The following LRP1B variants were observed in gnomAD, a reference collection of about 807,000 sequenced individuals.
LRP1B encodes low-density lipoprotein receptor-related protein 1B.
Under a neutral mutation model 556.6 loss-of-function variants are expected in LRP1B, and 217 were observed. That is an observed-to-expected ratio of 0.39 (90% CI 0.35 to 0.44). The LOEUF (loss-of-function observed/expected upper bound fraction) is 0.44, where lower values mean the gene tolerates loss of function less well. Among genes scored for constraint, LRP1B ranks in the 20% least tolerant of loss-of-function variants. The pLI is 1.00. For missense variants in LRP1B, 5,053 were observed against 5,620.8 expected, an observed-to-expected ratio of 0.90 and a Z score of 3.23; for synonymous variants, 2,047 against 1,865.8, an observed-to-expected ratio of 1.10 and a Z score of -2.50.
chr2:140,368,848 A>T (rs1338700356), intron 71 of LRP1B, among the ~76,000 whole-genome samples: 1 of 151,816 alleles, frequency 6.6e-6, no homozygotes, highest in African/African-American at 2.4e-5. Flanking sequence ...AAATACTAGA[A>T]ATCTAAAGTG....
At chr2:140,857,480 A>T (rs916929522) in intron 27 of LRP1B, among the ~76,000 whole-genome samples, 3 of 152,190 alleles carry the variant, frequency 2.0e-5, no homozygotes, top group African/African-American at 7.2e-5. Context: ...CCTATGACAG[A>T]CATCTTCAAG....
At chr2:141,465,455 G>A (rs983196598) in intron 3 of LRP1B, among the ~76,000 whole-genome samples, 2 of 151,936 alleles carry the variant, frequency 1.3e-5, no homozygotes, top group Non-Finnish European at 2.9e-5. Context: ...TCCTCAGGCC[G>A]CAGGTAGCCC....
At chr2:140,399,584 T>C (rs968350955) in intron 66 of LRP1B, among the ~76,000 whole-genome samples, 2 of 152,214 alleles carry the variant, frequency 1.3e-5, no homozygotes, top group Non-Finnish European at 2.9e-5. Context: ...TGAAGAAAAG[T>C]ACATTTTAGA....
At chr2:140,332,934 A>C (rs1680885721) in intron 79 of LRP1B, among the ~76,000 whole-genome samples, 1 of 152,104 alleles carries the variant, frequency 6.6e-6, no homozygotes, top group African/African-American at 2.4e-5. Flanking sequence ...CCAAAGAAGT[A>C]TTTTAAAAAT....
At chr2:141,908,487 A>C (rs912201949) in intron 1 of LRP1B, among the ~76,000 whole-genome samples, 1 of 152,058 alleles carries the variant, frequency 6.6e-6, no homozygotes, top group Admixed American at 6.6e-5. Context: ...AAACCATATG[A>C]TAAGATAAAC....
At chr2:141,200,106 C>T (rs1214919177) in intron 6 of LRP1B, among the ~76,000 whole-genome samples, 2 of 152,204 alleles carry the variant, frequency 1.3e-5, no homozygotes, top group African/African-American at 4.8e-5. Flanking sequence ...ATCATTCTAC[C>T]ATAAAGACAC....
At chr2:140,820,305 T>C (rs1691282881) in intron 31 of LRP1B, among the ~76,000 whole-genome samples, 1 of 152,178 alleles carries the variant, frequency 6.6e-6, no homozygotes, top group Admixed American at 6.5e-5. Context: ...AAAAGCACAT[T>C]ATTCAACAAC....
chr2:141,072,733 A>G (rs949994209), intron 7 of LRP1B, among the ~76,000 whole-genome samples: 1 of 151,790 alleles, frequency 6.6e-6, no homozygotes, highest in Non-Finnish European at 1.5e-5. Flanking sequence ...GATTCACTTC[A>G]CCTCACATCT....
At chr2:140,834,231 G>GT (rs141543709) in intron 31 of LRP1B, among the ~76,000 whole-genome samples, 7,670 of 152,038 alleles carry the variant, frequency 0.05, 211 homozygotes, top group Middle Eastern at 0.11. Flanking sequence ...ATTGCCATCT[G>GT]TTTTTTATTT....
intron 11 of LRP1B, among the ~76,000 whole-genome samples, chr2:141,048,169 C>G (rs551520126): frequency 6.6e-6 from 1 of 152,106 alleles, no homozygotes; most frequent in East Asian, 1.9e-4. Flanking sequence ...AATTAATGTT[C>G]CTCAAATTAT....
intron 66 of LRP1B, among the ~76,000 whole-genome samples, chr2:140,393,460 T>G (rs2105214437): frequency 6.6e-6 from 1 of 152,142 alleles, no homozygotes; most frequent in Non-Finnish European, 1.5e-5. Context: ...GCTATTAGTT[T>G]GAAAATATAA....
chr2:141,074,001 TA>T (rs1699714745), intron 7 of LRP1B, among the ~76,000 whole-genome samples: 1 of 152,084 alleles, frequency 6.6e-6, no homozygotes, highest in East Asian at 1.9e-4. Flanking sequence ...TTATGTGTTA[TA>T]AACCTTCCTA....
At chr2:140,869,871 G>A (rs918083505) in intron 25 of LRP1B, among the ~76,000 whole-genome samples, 2 of 151,810 alleles carry the variant, frequency 1.3e-5, no homozygotes, top group Admixed American at 1.3e-4. Context: ...ACAATGTTGG[G>A]GCTCAGAGAA....
At chr2:140,945,661 G>GAA (rs1695521135) in intron 20 of LRP1B, among the ~76,000 whole-genome samples, 1 of 151,986 alleles carries the variant, frequency 6.6e-6, no homozygotes, top group African/African-American at 2.4e-5. Flanking sequence ...ACCATATGCA[G>GAA]AAGAATGAAA....
chr2:141,158,888 G>A (rs1043735949), intron 7 of LRP1B, among the ~76,000 whole-genome samples: 7 of 152,074 alleles, frequency 4.6e-5, no homozygotes, highest in African/African-American at 1.7e-4. Flanking sequence ...AACTCAGCTG[G>A]AAGCATCAAT....
intron 66 of LRP1B, among the ~76,000 whole-genome samples, chr2:140,411,888 A>C (rs1449462799): frequency 6.6e-6 from 1 of 152,174 alleles, no homozygotes; most frequent in Admixed American, 6.5e-5. Context: ...GATAATAGCA[A>C]AGAAAGAATC....
intron 35 of LRP1B, among the ~76,000 whole-genome samples, chr2:140,725,380 C>G (rs1026979193): frequency 3.3e-5 from 5 of 151,698 alleles, no homozygotes; most frequent in African/African-American, 1.2e-4. Flanking sequence ...TATATAAAAT[C>G]ACTCATATAA....
At chr2:141,966,813 C>G (rs1299273931) in intron 1 of LRP1B, among the ~76,000 whole-genome samples, 1 of 151,756 alleles carries the variant, frequency 6.6e-6, no homozygotes, top group Non-Finnish European at 1.5e-5. Flanking sequence ...CATTCTAACC[C>G]ATTTCTCTCT....
intron 2 of LRP1B, among the ~76,000 whole-genome samples, chr2:141,604,745 G>A (rs1687855945): frequency 6.6e-6 from 1 of 152,056 alleles, no homozygotes; most frequent in Non-Finnish European, 1.5e-5. Context: ...CAGCCACACT[G>A]AGAGAGAATC....
Sources: allele counts gnomAD v4.1 joint callset (sites outside exome capture counted in the v4.1 genomes callset), GRCh38; gene constraint gnomAD v4.1.1; transcripts MANE v1.5; gene names NCBI Gene and HGNC (gene_info 2026-07-23, HGNC 2026-07-21).